FYN: variants seen among roughly 807,000 people sequenced by gnomAD.
The protein encoded by FYN is tyrosine-protein kinase Fyn.
Under a neutral mutation model 70.2 loss-of-function variants are expected in FYN, and 10 were observed. That is an observed-to-expected ratio of 0.14 (90% CI 0.09 to 0.24). The LOEUF is 0.24. FYN is among the 10% of genes least tolerant of loss of function. FYN has a pLI of 1.00. For synonymous variants in FYN, 236 were observed against 248.6 expected (o/e 0.95, Z 0.48); for missense variants, 319 against 673.1 (o/e 0.47, Z 5.82).
chr6:111,839,859 A>G (rs953854997), intron 2 of FYN, among the ~76,000 whole-genome samples: 2 of 152,070 alleles, frequency 1.3e-5, no homozygotes, highest in African/African-American at 4.8e-5. Context: ...CTAGTGTAAT[A>G]AGTGCTTGTC....
chr6:111,695,714 T>C (rs192365540), intron 10 of FYN, among the ~76,000 whole-genome samples: 2 of 152,338 alleles, frequency 1.3e-5, no homozygotes, highest in Non-Finnish European at 2.9e-5. Flanking sequence ...CAAAATGATC[T>C]CTGGCCTTAT....
intron 2 of FYN, among the ~76,000 whole-genome samples, chr6:111,824,310 A>C (rs1216066543): frequency 6.6e-6 from 1 of 152,172 alleles, no homozygotes; most frequent in East Asian, 1.9e-4. Flanking sequence ...GGCAACGTGG[A>C]TGATGGTAAA....
At chr6:111,759,601 CT>C (rs572378988) in intron 3 of FYN, among the ~76,000 whole-genome samples, 56 of 152,290 alleles carry the variant, frequency 3.7e-4, no homozygotes, top group Admixed American at 2.7e-3. Flanking sequence ...GGTTCCCCCC[CT>C]AGGGGTTCTT....
At chr6:111,668,159 G>A (rs542661673) in intron 13 of FYN, among the ~76,000 whole-genome samples, 3 of 152,348 alleles carry the variant, frequency 2.0e-5, no homozygotes, top group Non-Finnish European at 4.4e-5. Context: ...CTGCGCCATC[G>A]CATGTGCTTG....
intron 2 of FYN, among the ~76,000 whole-genome samples, chr6:111,808,417 G>A (rs1209279879): frequency 6.6e-6 from 1 of 152,194 alleles, no homozygotes; most frequent in Non-Finnish European, 1.5e-5. Context: ...ACCAGAACCT[G>A]GACAGAAACG....
chr6:111,848,715 T>C (rs1354324060), intron 1 of FYN, among the ~76,000 whole-genome samples: 1 of 152,198 alleles, frequency 6.6e-6, no homozygotes, highest in African/African-American at 2.4e-5. Flanking sequence ...CAAAATAGAA[T>C]TGCTATCTAG....
intron 3 of FYN, among the ~76,000 whole-genome samples, chr6:111,733,131 C>T (rs1305050672): frequency 6.6e-6 from 1 of 152,160 alleles, no homozygotes; most frequent in Non-Finnish European, 1.5e-5. Context: ...ACCTTTGACA[C>T]AAACAGTTAA....
At chr6:111,708,128 G>T in intron 5 of FYN, 108 bp from the exon 6 acceptor site, 3 of 785,810 alleles carry the variant, frequency 3.8e-6, no homozygotes, top group Middle Eastern at 2.4e-4. Context: ...CCTGCCACCC[G>T]ATTTCTCCAA....
intron 3 of FYN, among the ~76,000 whole-genome samples, chr6:111,772,047 G>C (rs192847754): frequency 5.3e-4 from 81 of 152,258 alleles, no homozygotes; most frequent in Non-Finnish European, 5.6e-4. Context: ...ATAGAGTCTG[G>C]GTGACCTTGG....
intron 2 of FYN, among the ~76,000 whole-genome samples, chr6:111,790,859 A>G (rs1444192741): frequency 2.6e-5 from 4 of 152,206 alleles, no homozygotes; most frequent in Non-Finnish European, 4.4e-5. Flanking sequence ...CCAACAAAAG[A>G]TATGTAAGAC....
intron 2 of FYN, among the ~76,000 whole-genome samples, chr6:111,820,817 G>T (rs1328855199): frequency 6.6e-6 from 1 of 152,088 alleles, no homozygotes; most frequent in Non-Finnish European, 1.5e-5. Context: ...TTAAGTAGCT[G>T]GTAGATCATA....
chr6:111,835,971 A>G (rs1158849045), intron 2 of FYN, among the ~76,000 whole-genome samples: 1 of 152,218 alleles, frequency 6.6e-6, no homozygotes, highest in Non-Finnish European at 1.5e-5. Flanking sequence ...GGCATACTGT[A>G]AAGCAAACTT....
chr6:111,685,686 C>T (rs574778529), intron 12 of FYN, among the ~76,000 whole-genome samples: 1 of 152,346 alleles, frequency 6.6e-6, no homozygotes, highest in Admixed American at 6.5e-5. Flanking sequence ...TTCCTATTTA[C>T]ACACTTTAAA....
intron 13 of FYN, among the ~76,000 whole-genome samples, chr6:111,670,072 C>T (rs1393438294): frequency 1.3e-5 from 2 of 152,092 alleles, no homozygotes; most frequent in African/African-American, 2.4e-5. Context: ...GTCTTGGTAA[C>T]GTGTGAAGGA....
At chr6:111,788,187 GT>G (rs1372323457) in intron 2 of FYN, among the ~76,000 whole-genome samples, 2 of 152,084 alleles carry the variant, frequency 1.3e-5, no homozygotes, top group Admixed American at 1.3e-4. Flanking sequence ...TACCTCTACT[GT>G]ACAACTTTTC....
chr6:111,721,009 G>A (rs1338602898), intron 3 of FYN, among the ~76,000 whole-genome samples: 2 of 151,870 alleles, frequency 1.3e-5, no homozygotes, highest in Non-Finnish European at 2.9e-5. Context: ...ATTCAAACAC[G>A]CCCAACTTCT....
chr6:111,804,162 C>T (rs1237458670), intron 2 of FYN, among the ~76,000 whole-genome samples: 1 of 152,172 alleles, frequency 6.6e-6, no homozygotes, highest in East Asian at 1.9e-4. Flanking sequence ...TATTTAAAGG[C>T]AGGAAGAGAC....
chr6:111,766,410 C>T (rs1803230671), intron 3 of FYN, among the ~76,000 whole-genome samples: 1 of 152,188 alleles, frequency 6.6e-6, no homozygotes, highest in Non-Finnish European at 1.5e-5. Flanking sequence ...GGTTGGAAAG[C>T]AGGCAGATTA....
At chr6:111,834,907 G>C (rs1773129414) in intron 2 of FYN, among the ~76,000 whole-genome samples, 1 of 151,960 alleles carries the variant, frequency 6.6e-6, no homozygotes, top group South Asian at 2.1e-4. Flanking sequence ...CCATCTCTCA[G>C]ACACCCAGAC....
Sources: allele counts gnomAD v4.1 joint callset (sites outside exome capture counted in the v4.1 genomes callset), GRCh38; gene constraint gnomAD v4.1.1; transcripts MANE v1.5; gene names NCBI Gene and HGNC (gene_info 2026-07-23, HGNC 2026-07-21).